SPATA31D1: variants seen among roughly 807,000 people sequenced by gnomAD.
SPATA31D1 encodes the protein SPATA31 subfamily D member 1, also known as spermatogenesis-associated protein 31D1.
SPATA31D1 carries 6 observed loss-of-function variants against 13.2 expected under a neutral mutation model. The observed-to-expected ratio is 0.46, with a 90% CI of 0.25 to 0.90. The LOEUF (loss-of-function observed/expected upper bound fraction) is 0.90. SPATA31D1 is among the 40% of genes least tolerant of loss of function. The pLI, the probability that SPATA31D1 is intolerant of heterozygous loss-of-function variation, is 0.18. For missense variants in SPATA31D1, 2,445 were observed against 1,884.7 expected, an observed-to-expected ratio of 1.30 and a Z score of -5.50; for synonymous variants, 903 against 718.8, an observed-to-expected ratio of 1.26 and a Z score of -4.10.
In SPATA31D1 at chr9:81,994,814, T is replaced by G. The variant is rs762266062; in HGVS notation, c.4344T>G (p.His1448Gln). Residue 1448 changes from histidine to glutamine, a missense_variant, in exon 4 of 4, where the codon CAT (histidine) becomes CAG (glutamine). By Grantham distance (24) the His-to-Gln change is conservative. Transcript: ENST00000344803. Reference protein sequence around the residue: ...LGKAQHNPEVHVRAEPVQGCP... With the variant: ...LGKAQHNPEVQVRAEPVQGCP... ...AAGCTCAGCACAACCCAGAAGTGCA[T>G]GTCAGAGCAGAGCCTGTCCAGGGCT... The G allele has an allele frequency of 4.3e-6, 7 of 1,613,928 alleles. No individual in the cohort carries two copies. In the African/African-American group the frequency reaches 6.7e-5, roughly 15 times the overall value.
At position 81,992,217 on chromosome 9, in the gene SPATA31D1, C is replaced by G. The variant is rs780177545; in HGVS notation, c.1747C>G (p.Gln583Glu). The change falls in exon 4 of 4, where the codon CAA becomes GAA. Residue 583 changes from glutamine (Q) to glutamate (E), a missense_variant. Coordinates refer to ENST00000344803, the MANE Select transcript of SPATA31D1 (RefSeq NM_001001670.3). Reference sequence around the variant, plus strand: ...TCTCACTCAGGTGAAGTCCCTGGCTCAACCTCAATCTCCATTCCGAGCCCT... The same window carrying G: ...TCTCACTCAGGTGAAGTCCCTGGCTGAACCTCAATCTCCATTCCGAGCCCT... ...PHLTQVKSLA[Q>E]PQSPFRALLP... is the part of the protein sequence containing the mutation. 1 of 1,613,810 alleles carries G rather than the reference C, an allele frequency of 6.2e-7. No individual in the cohort carries two copies. Among genetic ancestry groups the G allele is most frequent in the Non-Finnish European group, 8.5e-7 (1 of 1,179,732 alleles).
At chr9:81,989,974 A>C in intron 2 of SPATA31D1, 151 bp downstream of exon 2, 1 of 823,400 alleles carries the variant, frequency 1.2e-6, no homozygotes, top group Admixed American at 2.8e-5. Context: ...GAAAGCAATC[A>C]GACCTGAGAC....
rs371202277 is a variant in SPATA31D1, at chr9:81,994,638, C to T, written c.4168C>T (p.Arg1390Ter). The change falls in exon 4 of 4, where the codon CGA becomes TGA. Residue 1390 changes from arginine (R) to a stop codon, truncating the protein, a stop_gained. Coordinates refer to ENST00000344803, the MANE Select transcript of SPATA31D1 (RefSeq NM_001001670.3). LOFTEE classifies it low-confidence loss of function (END_TRUNC). ...SLSSCVQNIGRVIRAAFTGTT... is the reference protein window; with the variant it reads ...SLSSCVQNIG ...GTCATCATGTGTGCAGAATATTGGT[C>T]GAGTTATAAGAGCTGCCTTTACTGG... 83 of 1,612,972 alleles carry T rather than the reference C, an allele frequency of 5.1e-5. No individual in the cohort carries two copies. The highest frequency in any genetic ancestry group is 6.6e-5 in the Non-Finnish European group (78 of 1,179,530).
chr9:81,994,290 G>A lies in SPATA31D1; in HGVS notation c.3820G>A (p.Val1274Ile). The A allele has an allele frequency of 1.9e-6, 3 of 1,613,990 alleles. No individual in the cohort carries two copies. The highest frequency in any genetic ancestry group is 2.2e-5 in the East Asian group (1 of 44,872). The change falls in exon 4 of 4, where the codon GTC (valine) becomes ATC (isoleucine). Residue 1274 changes from valine (V) to isoleucine (I), a missense_variant. Physicochemically the swap from Val to Ile is conservative, Grantham distance 29. Transcript: ENST00000344803. Reference sequence around the variant, plus strand: ...TGTGGCACAGAAGCAGGAGCCCAGGGTCCCTACCTGTGTCTTACAGAAGTG... The same window carrying A: ...TGTGGCACAGAAGCAGGAGCCCAGGATCCCTACCTGTGTCTTACAGAAGTG... Reference protein sequence around the residue: ...IRVAQKQEPRVPTCVLQKCQV... With the variant: ...IRVAQKQEPRIPTCVLQKCQV...
intron 1 of SPATA31D1, 36 bp from the exon 2 acceptor site, chr9:81,989,742 A>G (rs771553148): frequency 2.0e-5 from 33 of 1,611,784 alleles, no homozygotes; most frequent in Non-Finnish European, 2.5e-5. Context: ...GAGAGAAGTG[A>G]GTCCCAGCCT....
chr9:81,992,785 A>T lies in SPATA31D1; in HGVS notation c.2315A>T (p.Tyr772Phe). The T allele has an allele frequency of 1.9e-6, 3 of 1,613,822 alleles. No individual in the cohort carries two copies. The highest frequency in any genetic ancestry group is 2.5e-6 in the Non-Finnish European group (3 of 1,179,716). ...NMLSMENVGN[Y>F]QGYSQETVPK... Reference sequence around the variant, plus strand: ...CTTTCCATGGAGAATGTGGGGAATTATCAGGGATACAGCCAGGAGACTGTC... The same window carrying T: ...CTTTCCATGGAGAATGTGGGGAATTTTCAGGGATACAGCCAGGAGACTGTC... The change falls in exon 4 of 4, where the codon TAT becomes TTT. Residue 772 changes from tyrosine to phenylalanine, a missense_variant. Transcript: ENST00000344803.
chr9:81,990,310 A>G (rs1299809124), intron 2 of SPATA31D1, 107 bp from the exon 3 acceptor site: 22 of 764,964 alleles, frequency 2.9e-5, no homozygotes, highest in South Asian at 1.7e-4. Context: ...TCCCTTTTCT[A>G]CTGATTCTTG....
chr9:81,990,136 C>T (rs1424591348), intron 2 of SPATA31D1: 18 of 521,358 alleles, frequency 3.5e-5, no homozygotes, highest in East Asian at 6.1e-5. Context: ...ACTTTGCATA[C>T]GTACTTTGAC....
chr9:81,989,193 T>C (rs117101217), intron 1 of SPATA31D1, among the ~76,000 whole-genome samples, 189 bp downstream of exon 1: 8,917 of 152,256 alleles, frequency 0.059, 454 homozygotes, highest in Admixed American at 0.16. Flanking sequence ...GACTAAGGTT[T>C]CCATCTGAAG....
intron 3 of SPATA31D1, 57 bp from the exon 4 acceptor site, chr9:81,990,716 G>C: frequency 6.5e-7 from 1 of 1,547,396 alleles, no homozygotes; most frequent in Non-Finnish European, 8.7e-7. Flanking sequence ...AGGCTTTAGG[G>C]AACCCACCCC....
upstream of SPATA31D1, chr9:81,988,681 C>T: frequency 7.1e-7 from 1 of 1,401,368 alleles, no homozygotes; most frequent in Non-Finnish European, 9.7e-7. Flanking sequence ...GCTGTGGACA[C>T]ACCCTCCTCT....
In SPATA31D1 at chr9:81,993,202, G is replaced by T. The variant is rs111996284; in HGVS notation, c.2732G>T (p.Arg911Leu). The stretch of plus-strand genomic sequence containing the variant: ...TTGGAAGCCCATATTAAAACTTTCC[G>T]TATGAGGATGCTGTGGGGCCTTCCC... Reference protein sequence around the residue: ...KMLEAHIKTFRMRMLWGLPLK... With the variant: ...KMLEAHIKTFLMRMLWGLPLK... The change falls in exon 4 of 4, where the codon CGT (arginine) becomes CTT (leucine). Residue 911 changes from arginine to leucine, a missense_variant. Transcript: ENST00000344803. The T allele has an allele frequency of 1.4e-3, 2,262 of 1,613,930 alleles. 25 individuals are homozygous for T. The African/African-American group carries it at 0.026, about 19-fold the overall frequency.
In SPATA31D1 at chr9:81,992,154, C is replaced by A; in HGVS notation, c.1684C>A (p.Pro562Thr). 1.2e-6 allele frequency: 2 copies of A among 1,613,764 alleles called. No homozygotes were observed. Among genetic ancestry groups the A allele is most frequent in the Non-Finnish European group, 1.7e-6 (2 of 1,179,720 alleles). The change falls in exon 4 of 4, where the codon CCC becomes ACC. Residue 562 changes from proline to threonine, a missense_variant. Physicochemically the swap from Pro to Thr is conservative, Grantham distance 38. Coordinates refer to ENST00000344803, the MANE Select transcript of SPATA31D1 (RefSeq NM_001001670.3). Reference protein sequence around the residue: ...PLSLPSTQPLPLPQTLPQGQS... With the variant: ...PLSLPSTQPLTLPQTLPQGQS... ...GTCCTTGCCTAGTACCCAACCACTA[C>A]CCTTGCCTCAAACCCTGCCCCAAGG...
chr9:81,991,825 G>A lies in SPATA31D1; in HGVS notation c.1355G>A (p.Arg452Gln), dbSNP rs777701305. ...CCAAACTACCAACTAAATTCCTCACGGAATATGTTAACCTCAATTGCTGTT... is the reference window on the plus strand; with the variant it reads ...CCAAACTACCAACTAAATTCCTCACAGAATATGTTAACCTCAATTGCTGTT... ...LRPNYQLNSSRNMLTSIAVKH... is the reference protein window; with the variant it reads ...LRPNYQLNSSQNMLTSIAVKH... The change falls in exon 4 of 4, where the codon CGG becomes CAG. Residue 452 changes from arginine (R) to glutamine (Q), a missense_variant. Coordinates refer to ENST00000344803, the MANE Select transcript of SPATA31D1 (RefSeq NM_001001670.3). The A allele has an allele frequency of 4.3e-6, 7 of 1,613,740 alleles. No homozygotes were observed. The highest frequency in any genetic ancestry group is 1.3e-5 in the African/African-American group (1 of 75,038).
rs143052337 is a variant in SPATA31D1 at position 81,990,137 on chromosome 9, G to A, written c.233-280G>A. 4.2e-3 allele frequency: 2,188 copies of A among 521,828 alleles called. 8 individuals are homozygous for A. Among genetic ancestry groups the A allele is most frequent in the Middle Eastern group, 0.01 (20 of 1,982 alleles). 32.3% of individuals were successfully genotyped at this position (521,828 alleles called of 1,614,324 possible). ...GCTTCTGTCTCACAACTTTGCATACGTACTTTGACTTCCTCAATGCTCGGA... is the reference window on the plus strand; with the variant it reads ...GCTTCTGTCTCACAACTTTGCATACATACTTTGACTTCCTCAATGCTCGGA... On this transcript the variant is annotated intron_variant, in intron 2 of 3. Transcript: ENST00000344803.
At position 81,990,793 on chromosome 9, in the gene SPATA31D1, G is replaced by A; in HGVS notation, c.323G>A (p.Cys108Tyr). ...TGCAGCTTTGGACCTCCTGTTTCCT[G>A]CAGTCCTCGGGGCCAGCATCATGAT... is the stretch of plus-strand genomic sequence containing the variant. The part of the protein sequence containing the change: ...LLKSFGPPVS[C>Y]SPRGQHHDTN... The change falls in exon 4 of 4, where the codon TGC becomes TAC. Residue 108 changes from cysteine to tyrosine, a missense_variant. Coordinates refer to ENST00000344803, the MANE Select transcript of SPATA31D1 (RefSeq NM_001001670.3). The A allele has an allele frequency of 1.2e-6, 2 of 1,611,784 alleles. No homozygotes were observed. The highest frequency in any genetic ancestry group is 1.7e-6 in the Non-Finnish European group (2 of 1,178,862).
chr9:81,988,940 A>G lies in SPATA31D1; in HGVS notation c.122A>G (p.Tyr41Cys), dbSNP rs1298486076. Residue 41 changes from tyrosine (Y) to cysteine (C), a missense_variant, in exon 1 of 4, where the codon TAC (tyrosine) becomes TGC (cysteine). Coordinates refer to ENST00000344803, the MANE Select transcript of SPATA31D1 (RefSeq NM_001001670.3). ...AGTGGGTTGGGGTTGTTTATACTGT[A>G]CTTGTTCTACGTGGTATTGACCCTG... ...CLSGLGLFIL[Y>C]LFYVVLTLYS... The G allele has an allele frequency of 1.2e-6, 2 of 1,612,088 alleles. No homozygotes were observed. The highest frequency in any genetic ancestry group is 2.7e-5 in the African/African-American group (2 of 74,842).
chr9:81,987,658 T>G (rs1824879409), upstream of SPATA31D1, among the ~76,000 whole-genome samples: 1 of 152,176 alleles, frequency 6.6e-6, no homozygotes, highest in Admixed American at 6.5e-5. Context: ...GAAGTTTTAA[T>G]TATATATATT....
Position 81,994,378 on chromosome 9 carries a change from A to G in SPATA31D1, c.3908A>G (p.Glu1303Gly), listed in dbSNP as rs756783421. ...AGTCCTGTGAGACCCAAAGGAGGAG[A>G]GCTTGATGGAGGGGATGCAGGGCTG... ...RVSPVRPKGGELDGGDAGLGT... is the reference protein window; with the variant it reads ...RVSPVRPKGGGLDGGDAGLGT... The change falls in exon 4 of 4, where the codon GAG becomes GGG. Residue 1303 changes from glutamate (E) to glycine (G), a missense_variant. Transcript: ENST00000344803. 4.3e-6 allele frequency: 7 copies of G among 1,613,890 alleles called. No individual in the cohort carries two copies. In the South Asian group the frequency reaches 6.6e-5, roughly 15 times the overall value.
Sources: allele counts gnomAD v4.1 joint callset (sites outside exome capture counted in the v4.1 genomes callset), GRCh38; gene constraint gnomAD v4.1.1; transcripts MANE v1.5; gene names NCBI Gene and HGNC (gene_info 2026-07-23, HGNC 2026-07-21).